Variants in ITSN1 observed in about 807,000 individuals in gnomAD.
ITSN1 encodes the protein intersectin 1, also known as intersectin-1.
In ITSN1, 58 loss-of-function variants were observed where a neutral mutation model predicts 239.8. The observed-to-expected ratio is 0.24, with a 90% confidence interval of 0.20 to 0.30. ITSN1 has a LOEUF of 0.30. ITSN1 is among the 10% of genes least tolerant of loss of function. The pLI is 1.00. For synonymous variants in ITSN1, 780 were observed against 770.8 expected (o/e 1.01, Z -0.20); for missense variants, 1,558 against 2,103.3 (o/e 0.74, Z 5.07).
chr21:33,712,687 G>T (rs555121917), intron 1 of ITSN1, among the ~76,000 whole-genome samples: 5 of 152,296 alleles, frequency 3.3e-5, no homozygotes, highest in African/African-American at 9.6e-5. Context: ...GGGCCCACCT[G>T]TGGGGCAGAG....
chr21:33,801,182 A>G (rs1346396959), intron 19 of ITSN1, among the ~76,000 whole-genome samples: 1 of 152,160 alleles, frequency 6.6e-6, no homozygotes, highest in Admixed American at 6.5e-5. Flanking sequence ...TAGAATTTGT[A>G]AAGAACTGTG....
At chr21:33,860,971 C>CAT (rs977734176) in intron 31 of ITSN1, among the ~76,000 whole-genome samples, 1 of 152,180 alleles carries the variant, frequency 6.6e-6, no homozygotes, top group African/African-American at 2.4e-5. Context: ...GGCTTCCCTC[C>CAT]ATCCCAAGGT....
chr21:33,832,084 G>A (rs1025303211), intron 27 of ITSN1, among the ~76,000 whole-genome samples: 5 of 152,210 alleles, frequency 3.3e-5, no homozygotes, highest in Admixed American at 1.3e-4. Context: ...CCCTCTCCCC[G>A]GTGCAGCCTC....
chr21:33,725,293 G>A (rs2065763560), intron 4 of ITSN1, among the ~76,000 whole-genome samples: 1 of 151,520 alleles, frequency 6.6e-6, no homozygotes, highest in Non-Finnish European at 1.5e-5. Flanking sequence ...ACACCACCAC[G>A]CCTGGCTGAT....
chr21:33,686,625 A>T (rs1238337434), intron 1 of ITSN1, among the ~76,000 whole-genome samples: 1 of 152,144 alleles, frequency 6.6e-6, no homozygotes, highest in Admixed American at 6.5e-5. Flanking sequence ...AGTGTGAATC[A>T]GTTCGTCTAT....
chr21:33,884,809 G>A (rs1188064565), intron 36 of ITSN1, among the ~76,000 whole-genome samples: 1 of 152,174 alleles, frequency 6.6e-6, no homozygotes, highest in Non-Finnish European at 1.5e-5. Flanking sequence ...CTTCCCCGGG[G>A]ACATCATCGC....
chr21:33,738,848 G>T (rs958358008), intron 5 of ITSN1, among the ~76,000 whole-genome samples: 8 of 152,156 alleles, frequency 5.3e-5, no homozygotes, highest in Admixed American at 2.0e-4. Context: ...AGACTAGAGT[G>T]CAATGGCACG....
chr21:33,706,938 G>T (rs1053339849), intron 1 of ITSN1, among the ~76,000 whole-genome samples: 1 of 152,120 alleles, frequency 6.6e-6, no homozygotes, highest in African/African-American at 2.4e-5. Context: ...AGCCAGGCTG[G>T]TGTTGAACTC....
intron 28 of ITSN1, among the ~76,000 whole-genome samples, chr21:33,834,850 T>G (rs2074510826): frequency 1.3e-5 from 2 of 152,208 alleles, no homozygotes; most frequent in Admixed American, 6.5e-5. Context: ...TAATGTGGTG[T>G]TCACTGAAGA....
chr21:33,656,639 G>A (rs532181978), intron 1 of ITSN1, among the ~76,000 whole-genome samples: 63 of 151,930 alleles, frequency 4.1e-4, no homozygotes, highest in Non-Finnish European at 7.5e-4. Context: ...GGGTTCAAAC[G>A]GTCCCCCCAC....
chr21:33,756,993 T>A (rs779855027), intron 8 of ITSN1: 2 of 152,198 alleles, frequency 1.3e-5, no homozygotes, highest in Non-Finnish European at 2.9e-5. Context: ...CTCAAACTCC[T>A]GACCTCAGGT....
chr21:33,822,561 CTTT>C (rs1684651613), intron 24 of ITSN1, among the ~76,000 whole-genome samples: 1 of 152,156 alleles, frequency 6.6e-6, no homozygotes, highest in Admixed American at 6.5e-5. Flanking sequence ...GTCTGGTGAT[CTTT>C]CTGAGAGTGT....
chr21:33,661,868 C>G (rs1312563021), intron 1 of ITSN1, among the ~76,000 whole-genome samples: 1 of 151,952 alleles, frequency 6.6e-6, no homozygotes, highest in African/African-American at 2.4e-5. Context: ...GCCTCCCCAG[C>G]CACCTGTAAC....
intron 34 of ITSN1, among the ~76,000 whole-genome samples, chr21:33,875,761 A>T (rs1000470139): frequency 2.0e-5 from 3 of 151,830 alleles, no homozygotes; most frequent in Non-Finnish European, 4.4e-5. Context: ...GCTCACTGCA[A>T]CCTCCGCCTC....
chr21:33,683,047 A>G (rs1227985515), intron 1 of ITSN1, among the ~76,000 whole-genome samples: 1 of 152,108 alleles, frequency 6.6e-6, no homozygotes. Context: ...TACTTAACCA[A>G]ACACTCTCTT....
intron 1 of ITSN1, among the ~76,000 whole-genome samples, chr21:33,703,034 C>T (rs529382841): frequency 2.6e-5 from 4 of 151,376 alleles, no homozygotes; most frequent in East Asian, 1.9e-4. Flanking sequence ...TGCAGTGAGC[C>T]GAGATCGCAC....
At chr21:33,809,757 C>G (rs758625580) in intron 20 of ITSN1, among the ~76,000 whole-genome samples, 4 of 152,120 alleles carry the variant, frequency 2.6e-5, no homozygotes, top group Non-Finnish European at 5.9e-5. Context: ...TATAAGGTTT[C>G]ATAAGATAAG....
chr21:33,782,032 A>G lies in ITSN1; in HGVS notation c.1723A>G (p.Lys575Glu). The G allele has an allele frequency of 6.2e-7, 1 of 1,613,426 alleles. No individual in the cohort carries two copies. The highest frequency in any genetic ancestry group is 8.5e-7 in the Non-Finnish European group (1 of 1,179,844). Residue 575 changes from lysine (K) to glutamate (E), a missense_variant, in exon 16 of 40, where the codon AAA (lysine) becomes GAA (glutamate). By Grantham distance (56) the Lys-to-Glu change is moderately conservative (BLOSUM62 1). Transcript: ENST00000381318. ...LVTLKRALEA[K>E]ELARQHLRDQ... ...TACACTTAAAAGAGCCTTAGAAGCAAAAGAACTAGCTCGGCAGCACCTACG... is the reference window on the plus strand; with the variant it reads ...TACACTTAAAAGAGCCTTAGAAGCAGAAGAACTAGCTCGGCAGCACCTACG...
At chr21:33,855,112 G>C (rs1298006854) in intron 29 of ITSN1, among the ~76,000 whole-genome samples, 2 of 152,208 alleles carry the variant, frequency 1.3e-5, no homozygotes, top group Non-Finnish European at 2.9e-5. Flanking sequence ...GAAGCTTTCA[G>C]CATATAGGCT....
Sources: gnomAD v4.1 joint callset for allele counts (sites outside exome capture counted in the v4.1 genomes callset) on GRCh38, gnomAD v4.1.1 for gene constraint, MANE v1.5 for transcripts, NCBI Gene and HGNC (gene_info 2026-07-23, HGNC 2026-07-21) for gene names.